The following CORO1B variants were observed in gnomAD, a reference collection of about 807,000 sequenced individuals.
The protein encoded by CORO1B is coronin 1B, also known as coronin-1B.
Under a neutral mutation model 51.1 loss-of-function variants are expected in CORO1B, and 30 were observed. That is an observed-to-expected ratio of 0.59 (90% CI 0.44 to 0.80). The LOEUF is 0.80. CORO1B is among the 30% of genes least tolerant of loss of function. CORO1B has a pLI of 0.00. For missense variants in CORO1B, 648 were observed against 700.4 expected, an observed-to-expected ratio of 0.93 and a Z score of 0.84; for synonymous variants, 310 against 289.7, an observed-to-expected ratio of 1.07 and a Z score of -0.71.
chr11:67,443,610 G>T (rs1864440375), upstream of CORO1B: 2 of 710,118 alleles, frequency 2.8e-6, no homozygotes, highest in South Asian at 6.2e-5. Flanking sequence ...GAGCGGGGCC[G>T]CCGGGGACGG....
In CORO1B at chr11:67,443,419, C is replaced by G. The variant is rs1864435816; in HGVS notation, c.-18G>C. 1 of 979,840 alleles carries G rather than the reference C, an allele frequency of 1.0e-6. No individual in the cohort carries two copies. The highest frequency in any genetic ancestry group is 6.2e-5 in the Admixed American group (1 of 16,242). The allele number at this position is 979,840 out of a possible 1,614,324, so 60.7% of individuals were successfully genotyped here. On this transcript the variant is annotated 5_prime_UTR_variant, in exon 1 of 11. Coordinates refer to ENST00000341356, the MANE Select transcript of CORO1B (RefSeq NM_020441.3). ...CCGCGCTCACCGGGGGCACCGGGGG[C>G]GCAGGGGGCTGCGGCACCGGCTTCG...
intron 9 of CORO1B, among the ~76,000 whole-genome samples, chr11:67,439,477 CTG>C (rs1864354207): frequency 6.6e-6 from 1 of 152,236 alleles, no homozygotes; most frequent in Non-Finnish European, 1.5e-5. Context: ...GCCACCCCAG[CTG>C]TGTTATGGGT....
intron 8 of CORO1B, 98 bp from the exon 9 acceptor site, chr11:67,439,941 G>T: frequency 6.9e-7 from 1 of 1,444,956 alleles, no homozygotes; most frequent in Non-Finnish European, 9.4e-7. Flanking sequence ...CTCACCCCAG[G>T]ACCTCCGCAG....
Position 67,438,390 on chromosome 11 carries a change from T to TCTCCATGCGGCCCAGCTG in CORO1B, c.1438_1455dup (p.Gln480_Glu485dup), listed in dbSNP as rs1467026547. ...TGGCTGTGGCCCTACGCATCCCCGT[T>TCTCCATGCGGCCCAGCTG]CTCCATGCGGCCCAGCTGCTCCTCC... On this transcript the variant is annotated inframe_insertion, in exon 11 of 11. Coordinates refer to ENST00000341356, the MANE Select transcript of CORO1B (RefSeq NM_020441.3). 4.4e-5 allele frequency: 71 copies of TCTCCATGCGGCCCAGCTG among 1,606,616 alleles called. No homozygotes were observed. The highest frequency in any genetic ancestry group is 5.9e-5 in the Non-Finnish European group (69 of 1,175,956).
rs764500648 is a variant in CORO1B at position 67,440,423 on chromosome 11, G to A, written c.773C>T (p.Pro258Leu). The A allele has an allele frequency of 5.6e-6, 9 of 1,613,690 alleles. No homozygotes were observed. The highest frequency in any genetic ancestry group is 7.6e-6 in the Non-Finnish European group (9 of 1,179,994). The change falls in exon 7 of 11, where the codon CCC (proline) becomes CTC (leucine). Residue 258 changes from proline (P) to leucine (L), a missense_variant. Transcript: ENST00000341356. ...CGAGTCCAGTTCCTGCAGGGCCATG[G>A]GTTCCTCGAGGTTTTCCTGGCACAT... The part of the protein sequence containing the change: ...ALWDPENLEE[P>L]MALQELDSSN...
intron 6 of CORO1B, 100 bp downstream of exon 6, chr11:67,441,025 G>A: frequency 1.3e-6 from 2 of 1,562,794 alleles, no homozygotes; most frequent in South Asian, 1.1e-5. Context: ...GTTCCAGGCA[G>A]AGAAGCTAGG....
Position 67,441,179 on chromosome 11 carries a change from C to G in CORO1B, c.702G>C (p.Val234=), listed in dbSNP as rs765501601. ...TCATTCGGCTGAAGCCTGTGGTGAA[C>G]ACCTTGCCATCTGCCAGGAAGATGG... ...MRAIFLADGK[V]FTTGFSRMSE... Residue 234 remains valine (V), a synonymous_variant, in exon 6 of 11, where the codon GTG becomes GTC. Transcript: ENST00000341356. 1 of 1,613,048 alleles carries G rather than the reference C, an allele frequency of 6.2e-7. No individual in the cohort carries two copies.
At chr11:67,442,373 G>A (rs2135148328) in intron 2 of CORO1B, 55 bp downstream of exon 2, 1 of 1,559,534 alleles carries the variant, frequency 6.4e-7, no homozygotes, top group East Asian at 2.3e-5. Flanking sequence ...GTGCAGAAAG[G>A]CCCAGTAGGG....
At chr11:67,440,631 G>T in intron 6 of CORO1B, 192 bp from the exon 7 acceptor site, 1 of 697,252 alleles carries the variant, frequency 1.4e-6, no homozygotes, top group Non-Finnish European at 2.6e-6. Context: ...TTATTCCCAG[G>T]GTCCCTCTTT....
upstream of CORO1B, chr11:67,443,724 A>AGGCGCCGCAGG: frequency 1.0e-6 from 1 of 985,054 alleles, no homozygotes; most frequent in Non-Finnish European, 1.2e-6. Flanking sequence ...GCCGCCGCAG[A>AGGCGCCGCAGG]GGCGCCGCAG....
rs139715252 is a variant in CORO1B at position 67,441,349 on chromosome 11, C to T, written c.620G>A (p.Arg207Gln). ...DKSVRIIDPRRGTLVAEREKA... is the reference protein window; with the variant it reads ...DKSVRIIDPRQGTLVAEREKA... ...GCCACGTACTGCCACCAGGGTGCCC[C>T]GACGGGGGTCGATGATGCGCACGCT... Residue 207 changes from arginine (R) to glutamine (Q), a missense_variant, in exon 5 of 11, where the codon CGG (arginine) becomes CAG (glutamine). By Grantham distance (43) the Arg-to-Gln change is conservative. Coordinates refer to ENST00000341356, the MANE Select transcript of CORO1B (RefSeq NM_020441.3). 37 of 1,613,636 alleles carry T rather than the reference C, an allele frequency of 2.3e-5. No individual in the cohort carries two copies. The highest frequency in any genetic ancestry group is 1.1e-4 in the South Asian group (10 of 91,082).
At chr11:67,439,323 G>A (rs1354467950) in intron 9 of CORO1B, among the ~76,000 whole-genome samples, 1 of 152,240 alleles carries the variant, frequency 6.6e-6, no homozygotes, top group Non-Finnish European at 1.5e-5. Flanking sequence ...TCATGGAAGC[G>A]TGTCCGAGGC....
At chr11:67,440,093 C>T (rs367930960) in intron 8 of CORO1B, 25 bp downstream of exon 8, 58 of 1,593,316 alleles carry the variant, frequency 3.6e-5, no homozygotes, top group Non-Finnish European at 4.0e-5. Flanking sequence ...CCCCTATCCC[C>T]GAGTGGCCTC....
Position 67,436,764 on chromosome 11 carries a change from CCCAGCACTCA to C in CORO1B, c.*1602_*1611del, listed in dbSNP as rs1379790787. ...ATCACTGCAGCCCACCCCAGCACCC[CCCAGCACTCA>C]GTGCCTTTTTCCTTCCATGTCACCT... On this transcript the variant is annotated 3_prime_UTR_variant, in exon 11 of 11. Transcript: ENST00000341356. 5.4e-6 allele frequency: 1 copy of C among 184,520 alleles called. No individual in the cohort carries two copies. The highest frequency in any genetic ancestry group is 2.3e-5 in the African/African-American group (1 of 42,628). The allele number at this position is 184,520 out of a possible 1,614,324, so 11.4% of individuals were successfully genotyped here. A position where few individuals can be genotyped will look rare whatever the true frequency, so the allele number is the denominator to read the frequency against.
In CORO1B at chr11:67,435,694, T is replaced by C; in HGVS notation, c.*2682A>G. 1 of 1,491,514 alleles carries C rather than the reference T, an allele frequency of 6.7e-7. No individual in the cohort carries two copies. The highest frequency in any genetic ancestry group is 8.9e-7 in the Non-Finnish European group (1 of 1,126,626). The allele number at this position is 1,491,514 out of a possible 1,614,324, so 92.4% of individuals were successfully genotyped here. ...TCTTGGGAAGCAGAGGCACGGGGAG[T>C]GAGCGGCTGTGACAGGGATGGGACA... is the stretch of plus-strand genomic sequence containing the variant. On this transcript the variant is annotated 3_prime_UTR_variant, in exon 11 of 11. Coordinates refer to ENST00000341356, the MANE Select transcript of CORO1B (RefSeq NM_020441.3).
chr11:67,438,662 C>A lies in CORO1B; in HGVS notation c.1344+9G>T. The A allele has an allele frequency of 1.3e-6, 2 of 1,529,272 alleles. No individual in the cohort carries two copies. The highest frequency in any genetic ancestry group is 2.4e-5 in the South Asian group (2 of 83,558). The allele number at this position is 1,529,272 out of a possible 1,614,324, so 94.7% of individuals were successfully genotyped here. A position where few individuals can be genotyped will look rare whatever the true frequency, so the allele number is the denominator to read the frequency against. On this transcript the variant is annotated intron_variant, in intron 10 of 10. Transcript: ENST00000341356. ...GCTCCCAGCACCACCCCTGCCTGCG[C>A]GTGCATACCCCGGCTCTGGCCAGGC...
chr11:67,442,636 G>T lies in CORO1B; in HGVS notation c.-2-6C>A. The T allele has an allele frequency of 6.2e-7, 1 of 1,612,974 alleles. No homozygotes were observed. Among genetic ancestry groups the T allele is most frequent in the South Asian group, 1.1e-5 (1 of 91,064 alleles). ...CACTTTGCGGAAGGACATGTCTGCG[G>T]GACAGAGAGGCCTGGGTCAGTCCGG... is the stretch of plus-strand genomic sequence containing the variant. On this transcript the variant is annotated splice_region_variant and splice_polypyrimidine_tract_variant and intron_variant, in intron 1 of 10. Transcript: ENST00000341356.
chr11:67,438,628 ACACCT>A (rs781604322), intron 10 of CORO1B, 38 bp downstream of exon 10: 526 of 1,515,098 alleles, frequency 3.5e-4, no homozygotes, highest in Non-Finnish European at 4.5e-4. Flanking sequence ...GGCCAGGGCC[ACACCT>A]GGGGCTCCCA....
Position 67,441,410 on chromosome 11 carries a change from T to C in CORO1B, c.559A>G (p.Asn187Asp). ...DLIYNVSWNH[N>D]GSLFCSACKD... ...CATGCTGAGCAAAACAGGCTGCCAT[T>C]GTGGTTCCAGCTGACATTGTAGATG... is the stretch of plus-strand genomic sequence containing the variant. The change falls in exon 5 of 11, where the codon AAT becomes GAT. Residue 187 changes from asparagine to aspartate, a missense_variant. By Grantham distance (23) the Asn-to-Asp change is conservative. Transcript: ENST00000341356. The C allele has an allele frequency of 6.2e-7, 1 of 1,613,898 alleles. No homozygotes were observed. The highest frequency in any genetic ancestry group is 8.5e-7 in the Non-Finnish European group (1 of 1,180,030).
Sources: gnomAD v4.1 joint callset for allele counts (sites outside exome capture counted in the v4.1 genomes callset) on GRCh38, gnomAD v4.1.1 for gene constraint, MANE v1.5 for transcripts, NCBI Gene and HGNC (gene_info 2026-07-23, HGNC 2026-07-21) for gene names.